Variants in ST6GALNAC3 observed in about 807,000 individuals in gnomAD.
The protein encoded by ST6GALNAC3 is ST6 N-acetylgalactosaminide alpha-2,6-sialyltransferase 3.
ST6GALNAC3 carries 25 observed loss-of-function variants against 32.7 expected under a neutral mutation model. That is an observed-to-expected ratio of 0.76 (90% CI 0.56 to 1.07). The LOEUF is 1.07. Ranked by LOEUF, ST6GALNAC3 falls within the 50% of genes least tolerant of loss-of-function variation. The probability of loss-of-function intolerance (pLI) is 0.00; values close to 1 mark genes in which losing one functional copy is unlikely to be tolerated. For missense variants in ST6GALNAC3, 355 were observed against 382.4 expected, an observed-to-expected ratio of 0.93 and a Z score of 0.60; for synonymous variants, 129 against 133.1, an observed-to-expected ratio of 0.97 and a Z score of 0.21.
At chr1:76,617,734 C>G (rs988593153) in intron 3 of ST6GALNAC3, among the ~76,000 whole-genome samples, 1 of 152,114 alleles carries the variant, frequency 6.6e-6, no homozygotes, top group Non-Finnish European at 1.5e-5. Flanking sequence ...GTCATCCAAT[C>G]CAACTTCGAT....
intron 1 of ST6GALNAC3, among the ~76,000 whole-genome samples, chr1:76,210,796 G>T (rs527924): frequency 0.17 from 26,123 of 152,138 alleles, 2,398 homozygotes; most frequent in Middle Eastern, 0.23. Flanking sequence ...GCCCAGGCTG[G>T]AGTCCAATGG....
intron 1 of ST6GALNAC3, among the ~76,000 whole-genome samples, chr1:76,081,792 G>A (rs1646899951): frequency 6.6e-6 from 1 of 151,964 alleles, no homozygotes; most frequent in Non-Finnish European, 1.5e-5. Flanking sequence ...CTAGCATTTT[G>A]GTATTTATAA....
At chr1:76,381,962 T>C (rs1176926737) in intron 2 of ST6GALNAC3, among the ~76,000 whole-genome samples, 1 of 152,050 alleles carries the variant, frequency 6.6e-6, no homozygotes, top group Non-Finnish European at 1.5e-5. Context: ...TAAGCAGAAA[T>C]GTAAGCAATC....
chr1:76,625,707 T>C (rs938099791), intron 3 of ST6GALNAC3, among the ~76,000 whole-genome samples: 3 of 151,888 alleles, frequency 2.0e-5, no homozygotes, highest in African/African-American at 7.2e-5. Flanking sequence ...CAGGTTAAGT[T>C]GTCTAAAAGG....
rs144286574 is a variant in ST6GALNAC3 at position 76,348,833 on chromosome 1, G to T, written c.213+34834G>T. 8.7e-4 allele frequency among the ~76,000 whole-genome samples: 132 copies of T among 152,166 alleles called. 1 individual carries two copies. Among genetic ancestry groups the T allele is most frequent in the Non-Finnish European group, 1.5e-3 (102 of 68,006 alleles). ...CGTCTAACAATGTGCCAGCCACTCT[G>T]GTTATGTATTTACATATACAATACT... is the stretch of plus-strand genomic sequence containing the variant. On this transcript the variant is annotated intron_variant, in intron 2 of 4. Coordinates refer to ENST00000328299, the MANE Select transcript of ST6GALNAC3 (RefSeq NM_152996.4).
At chr1:76,407,089 TC>T (rs2101258462) in intron 2 of ST6GALNAC3, among the ~76,000 whole-genome samples, 1 of 152,168 alleles carries the variant, frequency 6.6e-6, no homozygotes, top group East Asian at 1.9e-4. Context: ...AGTCATTTTT[TC>T]CTGTAAGGTG....
chr1:76,576,344 T>C (rs1017776528), intron 3 of ST6GALNAC3, among the ~76,000 whole-genome samples: 1 of 152,094 alleles, frequency 6.6e-6, no homozygotes, highest in Non-Finnish European at 1.5e-5. Context: ...AGTGTTTTTG[T>C]ATGTCCTGAT....
chr1:76,164,651 A>G (rs1652015536), intron 1 of ST6GALNAC3, among the ~76,000 whole-genome samples: 1 of 152,222 alleles, frequency 6.6e-6, no homozygotes, highest in South Asian at 2.1e-4. Flanking sequence ...TATCTCAGCA[A>G]TCTTTAAATA....
chr1:76,306,681 G>C, intron 1 of ST6GALNAC3, among the ~76,000 whole-genome samples: 2 of 11,976 alleles, frequency 1.7e-4, no homozygotes, highest in Non-Finnish European at 4.9e-4. Context: ...TTTTTTTTTG[G>C]GGGGCGGGGG....
chr1:76,093,888 A>G (rs1056386366), intron 1 of ST6GALNAC3, among the ~76,000 whole-genome samples: 4 of 152,230 alleles, frequency 2.6e-5, no homozygotes, highest in African/African-American at 7.2e-5. Context: ...GATGCCACAT[A>G]AGCCAGAGTT....
At chr1:76,442,132 A>G (rs2101511914) in intron 3 of ST6GALNAC3, among the ~76,000 whole-genome samples, 1 of 152,298 alleles carries the variant, frequency 6.6e-6, no homozygotes, top group African/African-American at 2.4e-5. Context: ...AATTTATCTC[A>G]GTTGCAGTTT....
At chr1:76,148,216 A>G (rs949842964) in intron 1 of ST6GALNAC3, among the ~76,000 whole-genome samples, 3 of 152,212 alleles carry the variant, frequency 2.0e-5, no homozygotes, top group Non-Finnish European at 2.9e-5. Context: ...TGAATGCTTG[A>G]TATCCTCAAG....
intron 1 of ST6GALNAC3, among the ~76,000 whole-genome samples, chr1:76,251,546 C>G (rs1025895717): frequency 6.6e-6 from 1 of 152,154 alleles, no homozygotes; most frequent in Admixed American, 6.6e-5. Flanking sequence ...TACATCCACT[C>G]TCTTTCCTCT....
At chr1:76,147,500 C>T (rs1214497953) in intron 1 of ST6GALNAC3, among the ~76,000 whole-genome samples, 1 of 152,140 alleles carries the variant, frequency 6.6e-6, no homozygotes, top group Non-Finnish European at 1.5e-5. Context: ...ATCAATCTTC[C>T]CCCTTCCCCA....
At chr1:76,562,588 G>A (rs1665308378) in intron 3 of ST6GALNAC3, among the ~76,000 whole-genome samples, 1 of 152,148 alleles carries the variant, frequency 6.6e-6, no homozygotes, top group African/African-American at 2.4e-5. Flanking sequence ...CCAAACGTCT[G>A]TCCACCATCT....
Position 76,213,858 on chromosome 1 carries a change from A to T in ST6GALNAC3, c.19-99947A>T, listed in dbSNP as rs113712068. 6.8e-3 allele frequency among the ~76,000 whole-genome samples: 1,034 copies of T among 152,348 alleles called. 12 individuals carry two copies. The highest frequency in any genetic ancestry group is 0.023 in the African/African-American group (975 of 41,578). On this transcript the variant is annotated intron_variant, in intron 1 of 4. Transcript: ENST00000328299. ...ACATGCTTTAGATGGTGAACATCTC[A>T]CAAAAGGGATATGTTATCAGAGATA...
At chr1:76,418,597 CAGTATTTTCCATTT>C in intron 3 of ST6GALNAC3, among the ~76,000 whole-genome samples, 1 of 152,106 alleles carries the variant, frequency 6.6e-6, no homozygotes, top group East Asian at 1.9e-4. Context: ...GTATTAAAAA[CAGTATTTTCCATTT>C]TTTTTTCATT....
At chr1:76,536,760 AG>A (rs34192349) in intron 3 of ST6GALNAC3, among the ~76,000 whole-genome samples, 99,624 of 151,624 alleles carry the variant, frequency 0.66, 34,323 homozygotes, top group Non-Finnish European at 0.76. Flanking sequence ...ATTACATAAA[AG>A]GGAACAATTC....
intron 1 of ST6GALNAC3, among the ~76,000 whole-genome samples, chr1:76,285,979 A>G (rs547352000): frequency 2.5e-4 from 38 of 151,690 alleles, no homozygotes; most frequent in African/African-American, 8.9e-4. Context: ...AGAGAATGAG[A>G]CAGATGGAGA....
Sources: allele counts gnomAD v4.1 joint callset (sites outside exome capture counted in the v4.1 genomes callset), GRCh38; gene constraint gnomAD v4.1.1; transcripts MANE v1.5; gene names NCBI Gene and HGNC (gene_info 2026-07-23, HGNC 2026-07-21).